KLHL33: variants seen among roughly 807,000 people sequenced by gnomAD.
KLHL33 encodes kelch like family member 33, also known as kelch-like protein 33.
In KLHL33, 46 loss-of-function variants were observed where a neutral mutation model predicts 60.8. The observed-to-expected ratio is 0.76, with a 90% CI of 0.60 to 0.97. The LOEUF is 0.97. KLHL33 is among the 50% of genes least tolerant of loss of function. The pLI is 0.00. For synonymous variants in KLHL33, 434 were observed against 432.2 expected (o/e 1.00, Z -0.05); for missense variants, 1,055 against 1,000.0 (o/e 1.05, Z -0.74).
At position 20,430,374 on chromosome 14, in the gene KLHL33, T is replaced by G. The variant is rs1594397789; in HGVS notation, c.1094A>C (p.His365Pro). 6.4e-7 allele frequency: 1 copy of G among 1,551,594 alleles called. No homozygotes were observed. The highest frequency in any genetic ancestry group is 8.7e-7 in the Non-Finnish European group (1 of 1,146,956). ...AGGACACAAGGCTACAGCAGGCAGG[T>G]GGGTGAGGAGGTAGTGACGGGCTTT... ...WSKARHYLLT[H>P]LPAVALCPAF... is the part of the protein sequence containing the mutation. The change falls in exon 3 of 5, where the codon CAC becomes CCC. Residue 365 changes from histidine to proline, a missense_variant. Physicochemically the swap from His to Pro is moderately conservative, Grantham distance 77. Transcript: ENST00000636854.
At position 20,429,047 on chromosome 14, in the gene KLHL33, C is replaced by T. The variant is rs541155476; in HGVS notation, c.2196G>A (p.Leu732=). The change falls in exon 5 of 5, where the codon CTG becomes CTA. Residue 732 remains leucine (L), a synonymous_variant. Coordinates refer to ENST00000636854, the MANE Select transcript of KLHL33 (RefSeq NM_001365790.2). ...TACGGTGACTGTAGCCCCCGAGCAC[C>T]AGTAGCTCCCCCTGCAGCACAGCAC... ...AASAVLQGEL[L]VLGGYSHRTY... The T allele has an allele frequency of 3.2e-6, 5 of 1,551,592 alleles. No individual in the cohort carries two copies. Among genetic ancestry groups the T allele is most frequent in the Non-Finnish European group, 4.4e-6 (5 of 1,146,990 alleles).
rs1373139036 is a variant in KLHL33, at chr14:20,426,102, A to G, written c.*2747T>C. ...ACGAAATCTAAAAATAAATAAATAA[A>G]ATACATGCCAAGTACTTCTGGGGCC... is the stretch of plus-strand genomic sequence containing the variant. On this transcript the variant is annotated 3_prime_UTR_variant, in exon 5 of 5. Coordinates refer to ENST00000636854, the MANE Select transcript of KLHL33 (RefSeq NM_001365790.2). The G allele has an allele frequency of 6.6e-6, 1 of 152,154 alleles. No individual in the cohort carries two copies. Among genetic ancestry groups the G allele is most frequent in the Non-Finnish European group, 1.5e-5 (1 of 68,028 alleles). The allele number at this position is 152,154 out of a possible 1,614,324, so 9.4% of individuals were successfully genotyped here.
Position 20,435,605 on chromosome 14 carries a change from G to T in KLHL33, c.207C>A (p.Ala69=). ...CTTCCTCTTCTTCCTCTAGGGACAA[G>T]GCTGGAAAGGGAAGGTTCCTTGGGA... The part of the protein sequence containing the change: ...PLVPRNLPFP[A]LSLEEEEEEE... The change falls in exon 2 of 5, where the codon GCC becomes GCA. Residue 69 remains alanine, a synonymous_variant. Transcript: ENST00000636854. The T allele has an allele frequency of 8.1e-7, 1 of 1,234,718 alleles. No homozygotes were observed. The highest frequency in any genetic ancestry group is 1.0e-6 in the Non-Finnish European group (1 of 988,386). The allele number at this position is 1,234,718 out of a possible 1,614,324, so 76.5% of individuals were successfully genotyped here. A position where few individuals can be genotyped will look rare whatever the true frequency, so the allele number is the denominator to read the frequency against.
Position 20,429,515 on chromosome 14 carries a change from G to A in KLHL33, c.1828C>T (p.Leu610Phe), listed in dbSNP as rs777873639. ...LDSVETYNPE[L>F]NVWRPAPALP... ...TTGCCTGCTTACCTCCAGACATTGA[G>A]CTCAGGGTTGTAGGTCTCCACAGAG... Residue 610 changes from leucine (L) to phenylalanine (F), a missense_variant, in exon 4 of 5, where the codon CTC becomes TTC. Transcript: ENST00000636854. The A allele has an allele frequency of 4.1e-5, 63 of 1,552,154 alleles. No homozygotes were observed. Among genetic ancestry groups the A allele is most frequent in the Non-Finnish European group, 5.1e-5 (59 of 1,147,140 alleles).
chr14:20,433,776 T>A (rs1282560995), intron 2 of KLHL33, among the ~76,000 whole-genome samples: 1 of 152,244 alleles, frequency 6.6e-6, no homozygotes, highest in Non-Finnish European at 1.5e-5. Flanking sequence ...CTCCATCTAG[T>A]GCTATCATAA....
rs549767995 is a variant in KLHL33, at chr14:20,429,364, C to T, written c.1879G>A (p.Ala627Thr). The part of the protein sequence containing the change: ...PALPAPCFAH[A>T]AAILEGQLYV... Reference sequence around the variant, plus strand: ...AACTGGCCCTCCAAAATCGCAGCTGCGTGGGCAAAACATGGTGCTGGAAGT... The same window carrying T: ...AACTGGCCCTCCAAAATCGCAGCTGTGTGGGCAAAACATGGTGCTGGAAGT... Residue 627 changes from alanine (A) to threonine (T), a missense_variant, in exon 5 of 5, where the codon GCA (alanine) becomes ACA (threonine). Coordinates refer to ENST00000636854, the MANE Select transcript of KLHL33 (RefSeq NM_001365790.2). 59 of 1,551,708 alleles carry T rather than the reference C, an allele frequency of 3.8e-5. 1 individual carries two copies. The South Asian group carries it at 4.8e-4, about 13-fold the overall frequency.
rs1386820044 is a variant in KLHL33, at chr14:20,429,327, C to T, written c.1916G>A (p.Gly639Asp). 3.2e-6 allele frequency: 5 copies of T among 1,551,734 alleles called. No homozygotes were observed. The highest frequency in any genetic ancestry group is 4.4e-6 in the Non-Finnish European group (5 of 1,147,000). The part of the protein sequence containing the change: ...AILEGQLYVS[G>D]GCGGTGQYLA... ...GTATTGGCCAGTCCCACCACAGCCA[C>T]CGCTCACGTACAACTGGCCCTCCAA... The change falls in exon 5 of 5, where the codon GGT becomes GAT. Residue 639 changes from glycine to aspartate, a missense_variant. Coordinates refer to ENST00000636854, the MANE Select transcript of KLHL33 (RefSeq NM_001365790.2).
chr14:20,429,454 C>G (rs375590725), intron 4 of KLHL33, 48 bp downstream of exon 4: 89 of 1,550,096 alleles, frequency 5.7e-5, no homozygotes, highest in Admixed American at 1.4e-4. Flanking sequence ...AACTCTCCTT[C>G]TATTCCAAGT....
At position 20,430,044 on chromosome 14, in the gene KLHL33, A is replaced by T; in HGVS notation, c.1424T>A (p.Leu475Gln). Residue 475 changes from leucine to glutamine, a missense_variant, in exon 3 of 5, where the codon CTG becomes CAG. Leu to Gln is a moderately radical substitution (Grantham distance 113). Coordinates refer to ENST00000636854, the MANE Select transcript of KLHL33 (RefSeq NM_001365790.2). ...QERRREPDRALVVIGGDGLRP... is the reference protein window; with the variant it reads ...QERRREPDRAQVVIGGDGLRP... ...GAGCCCATCCCCGCCAATCACTACCAGTGCCCGGTCAGGCTCCCTCCGTCT... is the reference window on the plus strand; with the variant it reads ...GAGCCCATCCCCGCCAATCACTACCTGTGCCCGGTCAGGCTCCCTCCGTCT... 6.4e-7 allele frequency: 1 copy of T among 1,551,708 alleles called. No individual in the cohort carries two copies. The highest frequency in any genetic ancestry group is 8.7e-7 in the Non-Finnish European group (1 of 1,146,996).
At chr14:20,433,180 GATGAA>G (rs922470299) in intron 2 of KLHL33, among the ~76,000 whole-genome samples, 6 of 152,282 alleles carry the variant, frequency 3.9e-5, no homozygotes, top group Admixed American at 3.3e-4. Flanking sequence ...AAAATGAACA[GATGAA>G]ATAAATATAG....
intron 1 of KLHL33, 86 bp downstream of exon 1, chr14:20,436,013 G>T (rs868380491): frequency 7.9e-5 from 32 of 405,208 alleles, no homozygotes; most frequent in African/African-American, 4.9e-4. Context: ...GGGTGCACGC[G>T]GTGCAGTGAA....
chr14:20,426,900 G>C lies in KLHL33; in HGVS notation c.*1949C>G, dbSNP rs887806885. On this transcript the variant is annotated 3_prime_UTR_variant, in exon 5 of 5. Coordinates refer to ENST00000636854, the MANE Select transcript of KLHL33 (RefSeq NM_001365790.2). ...CTTTGTAGGGACATGGATGAGATTG[G>C]AAATCATCATTCTCAGTAAACTATC... The C allele has an allele frequency of 6.6e-6, 1 of 151,674 alleles. No individual in the cohort carries two copies. The highest frequency in any genetic ancestry group is 2.4e-5 in the African/African-American group (1 of 41,150). 9.4% of individuals were successfully genotyped at this position (151,674 alleles called of 1,614,324 possible). A position where few individuals can be genotyped will look rare whatever the true frequency, so the allele number is the denominator to read the frequency against.
chr14:20,429,364 C>CGT lies in KLHL33; in HGVS notation c.1877_1878dup (p.Ala627ThrfsTer12). On this transcript the variant is annotated frameshift_variant, in exon 5 of 5. Coordinates refer to ENST00000636854, the MANE Select transcript of KLHL33 (RefSeq NM_001365790.2). LOFTEE classifies it high-confidence loss of function. The stretch of plus-strand genomic sequence containing the variant: ...AACTGGCCCTCCAAAATCGCAGCTG[C>CGT]GTGGGCAAAACATGGTGCTGGAAGT... The CGT allele has an allele frequency of 1.3e-6, 2 of 1,551,708 alleles. No homozygotes were observed. The highest frequency in any genetic ancestry group is 8.7e-7 in the Non-Finnish European group (1 of 1,146,986).
chr14:20,427,732 C>T lies in KLHL33; in HGVS notation c.*1117G>A, dbSNP rs546937735. Reference sequence around the variant, plus strand: ...TCTGACCTCTGTATCTTGGTGCCTCCTACAGTGCCTGCCACACAGTAGGTA... The same window carrying T: ...TCTGACCTCTGTATCTTGGTGCCTCTTACAGTGCCTGCCACACAGTAGGTA... On this transcript the variant is annotated 3_prime_UTR_variant, in exon 5 of 5. Coordinates refer to ENST00000636854, the MANE Select transcript of KLHL33 (RefSeq NM_001365790.2). 1 of 152,246 alleles carries T rather than the reference C, an allele frequency of 6.6e-6. No homozygotes were observed. The highest frequency in any genetic ancestry group is 1.5e-5 in the Non-Finnish European group (1 of 68,034). 9.4% of individuals were successfully genotyped at this position (152,246 alleles called of 1,614,324 possible).
At chr14:20,434,026 G>A (rs1334231534) in intron 2 of KLHL33, among the ~76,000 whole-genome samples, 14 of 152,178 alleles carry the variant, frequency 9.2e-5, no homozygotes. Flanking sequence ...ATGTAGGCTT[G>A]TATCCTGGGG....
In KLHL33 at chr14:20,434,168, C is replaced by T. The variant is rs144962600; in HGVS notation, c.748+896G>A. On this transcript the variant is annotated intron_variant, in intron 2 of 4. Transcript: ENST00000636854. ...TAAAAATTTCAGGTACCCAGTGCCT[C>T]ACTAAATGTTAGTAGACTCCGAATA... 2.3e-3 allele frequency among the ~76,000 whole-genome samples: 346 copies of T among 152,306 alleles called. 8 individuals are homozygous for T. In the East Asian group the frequency reaches 0.053, roughly 23 times the overall value.
In KLHL33 at chr14:20,430,032, C is replaced by T; in HGVS notation, c.1436G>A (p.Gly479Asp). ...CATGTCTGGTCTGAGCCCATCCCCG[C>T]CAATCACTACCAGTGCCCGGTCAGG... is the stretch of plus-strand genomic sequence containing the variant. ...REPDRALVVI[G>D]GDGLRPDMAL... The change falls in exon 3 of 5, where the codon GGC (glycine) becomes GAC (aspartate). Residue 479 changes from glycine (G) to aspartate (D), a missense_variant. By Grantham distance (94) the Gly-to-Asp change is moderately conservative (BLOSUM62 -1). Transcript: ENST00000636854. 1 of 1,551,768 alleles carries T rather than the reference C, an allele frequency of 6.4e-7. No individual in the cohort carries two copies. Among genetic ancestry groups the T allele is most frequent in the Non-Finnish European group, 8.7e-7 (1 of 1,147,006 alleles).
chr14:20,430,316 A>G lies in KLHL33; in HGVS notation c.1152T>C (p.Ala384=). ...GGAGCTCATCACTATCCAGGAGCTC[A>G]GCCAAGCAGGCAGCTGGTAAAGAAG... ...AFPSLPAACL[A]ELLDSDELHV... Residue 384 remains alanine, a synonymous_variant, in exon 3 of 5, where the codon GCT becomes GCC. Coordinates refer to ENST00000636854, the MANE Select transcript of KLHL33 (RefSeq NM_001365790.2). The G allele has an allele frequency of 6.4e-7, 1 of 1,551,860 alleles. No homozygotes were observed. Among genetic ancestry groups the G allele is most frequent in the Non-Finnish European group, 8.7e-7 (1 of 1,147,026 alleles).
At chr14:20,432,253 T>A (rs549306236) in intron 2 of KLHL33, among the ~76,000 whole-genome samples, 1 of 152,116 alleles carries the variant, frequency 6.6e-6, no homozygotes, top group Non-Finnish European at 1.5e-5. Context: ...TAGCTGGGAC[T>A]ACAGGTGCAC....
Sources: allele counts gnomAD v4.1 joint callset (sites outside exome capture counted in the v4.1 genomes callset), GRCh38; gene constraint gnomAD v4.1.1; transcripts MANE v1.5; gene names NCBI Gene and HGNC (gene_info 2026-07-23, HGNC 2026-07-21).